GALNT18: variants seen among roughly 807,000 people sequenced by gnomAD.
GALNT18 encodes the protein GalNAc-transferase 18.
GALNT18 carries 44 observed loss-of-function variants against 69.5 expected under a neutral mutation model. The observed-to-expected ratio is 0.63, with a 90% CI of 0.50 to 0.81. The LOEUF is 0.81. GALNT18 is among the 40% of genes least tolerant of loss of function. GALNT18 has a pLI of 0.00. For synonymous variants in GALNT18, 364 were observed against 318.2 expected (o/e 1.14, Z -1.53); for missense variants, 715 against 810.0 (o/e 0.88, Z 1.42).
chr11:11,391,164 T>C (rs1413546502), intron 3 of GALNT18, among the ~76,000 whole-genome samples: 2 of 152,218 alleles, frequency 1.3e-5, no homozygotes, highest in African/African-American at 4.8e-5. Flanking sequence ...GTTGCTGCTC[T>C]TCAAGGGCCA....
In GALNT18 at chr11:11,300,592, G is replaced by A. The variant is rs139107692; in HGVS notation, c.1513-7399C>T. On this transcript the variant is annotated intron_variant, in intron 9 of 10. Transcript: ENST00000227756. ...TGTGACACTGTCTAGGGAGTTAAGA[G>A]TCACACATAATGGGGTGATTGCAAA... Among the ~76,000 whole-genome samples, 56 of 152,302 alleles carry A rather than the reference G, an allele frequency of 3.7e-4. No homozygotes were observed. The East Asian group carries it at 0.011, about 29-fold the overall frequency.
At chr11:11,575,906 G>A (rs61870377) in intron 1 of GALNT18, among the ~76,000 whole-genome samples, 1 of 152,108 alleles carries the variant, frequency 6.6e-6, no homozygotes, top group South Asian at 2.1e-4. Context: ...TTTAAATATT[G>A]AAAATAATAA....
rs1235991560 is a variant in GALNT18 at position 11,621,673 on chromosome 11, G to T, written c.-80C>A. ...CCGAACTCCCCCGCGCTCGCACCCCGTAGCACGTCCGGAGCCGCTGGGCAC... is the reference window on the plus strand; with the variant it reads ...CCGAACTCCCCCGCGCTCGCACCCCTTAGCACGTCCGGAGCCGCTGGGCAC... On this transcript the variant is annotated 5_prime_UTR_variant, in exon 1 of 11. Transcript: ENST00000227756. The surrounding 1 kb of genome is among the most constrained non-coding windows in gnomAD (Gnocchi z 9.3). 9.1e-7 allele frequency: 1 copy of T among 1,093,746 alleles called. No individual in the cohort carries two copies. The highest frequency in any genetic ancestry group is 1.3e-6 in the Non-Finnish European group (1 of 750,110). The allele number at this position is 1,093,746 out of a possible 1,614,324, so 67.8% of individuals were successfully genotyped here. A position where few individuals can be genotyped will look rare whatever the true frequency, so the allele number is the denominator to read the frequency against.
intron 1 of GALNT18, among the ~76,000 whole-genome samples, chr11:11,519,987 G>A (rs537230410): frequency 6.6e-6 from 1 of 152,330 alleles, no homozygotes; most frequent in East Asian, 1.9e-4. Flanking sequence ...AGACCCGGAA[G>A]AGGTCACCAA....
At position 11,480,838 on chromosome 11, in the gene GALNT18, CT is replaced by C. The variant is rs1447574435; in HGVS notation, c.236-31903del. Among the ~76,000 whole-genome samples the C allele has an allele frequency of 6.6e-6, 1 of 152,202 alleles. No homozygotes were observed. The highest frequency in any genetic ancestry group is 1.5e-5 in the Non-Finnish European group (1 of 68,038). On this transcript the variant is annotated intron_variant, in intron 1 of 10. Coordinates refer to ENST00000227756, the MANE Select transcript of GALNT18 (RefSeq NM_198516.3). The surrounding 1 kb of genome is among the most constrained non-coding windows in gnomAD (Gnocchi z 4.6). ...TGTGGTGAAATGGCTAAGGGAATTA[CT>C]GCTTAATCCTGGTTAGGGGAAAATG...
Position 11,605,318 on chromosome 11 carries a change from G to A in GALNT18, c.235+16041C>T, listed in dbSNP as rs768456737. Among the ~76,000 whole-genome samples the A allele has an allele frequency of 5.9e-5, 9 of 152,146 alleles. No homozygotes were observed. The highest frequency in any genetic ancestry group is 2.2e-4 in the African/African-American group (9 of 41,440). ...CCATCTCCTCAAGGGATTTCCACAG[G>A]CAAGCAAGAAACACCCTCTTCTGAT... On this transcript the variant is annotated intron_variant, in intron 1 of 10. Transcript: ENST00000227756. This position sits in a 1 kb window ranked among gnomAD's most constrained non-coding sequence, Gnocchi z 4.7.
At chr11:11,371,617 G>A (rs191400375) in intron 6 of GALNT18, among the ~76,000 whole-genome samples, 3 of 151,922 alleles carry the variant, frequency 2.0e-5, no homozygotes, top group Non-Finnish European at 4.4e-5. Context: ...GGTTCCCCAC[G>A]GAGAAGACAG....
chr11:11,604,749 T>A lies in GALNT18; in HGVS notation c.235+16610A>T, dbSNP rs1859707061. ...GAAGCTTTTCTGCCCCAGGGAAGAA[T>A]CAGCCTCAATGACAGTTTGGTATTA... is the stretch of plus-strand genomic sequence containing the variant. On this transcript the variant is annotated intron_variant, in intron 1 of 10. Transcript: ENST00000227756. This position sits in a 1 kb window ranked among gnomAD's most constrained non-coding sequence, Gnocchi z 5.6. Among the ~76,000 whole-genome samples, 1 of 152,166 alleles carries A rather than the reference T, an allele frequency of 6.6e-6. No individual in the cohort carries two copies. The highest frequency in any genetic ancestry group is 2.4e-5 in the African/African-American group (1 of 41,438).
At chr11:11,360,303 G>C (rs910561536) in intron 6 of GALNT18, among the ~76,000 whole-genome samples, 2 of 152,198 alleles carry the variant, frequency 1.3e-5, no homozygotes, top group African/African-American at 4.8e-5. Flanking sequence ...AGGTGGAGTG[G>C]TTGCTCCCTT....
At position 11,448,839 on chromosome 11, in the gene GALNT18, G is replaced by A. The variant is rs763799516; in HGVS notation, c.333C>T (p.Arg111=). 2.4e-5 allele frequency: 38 copies of A among 1,612,408 alleles called. No individual in the cohort carries two copies. The highest frequency in any genetic ancestry group is 1.3e-4 in the African/African-American group (10 of 74,946). Residue 111 remains arginine, a synonymous_variant, in exon 2 of 11, where the codon CGC becomes CGT. Coordinates refer to ENST00000227756, the MANE Select transcript of GALNT18 (RefSeq NM_198516.3). Reference sequence around the variant, plus strand: ...AGTACTGGAATTGCTTCAGGGCCACGCGCCGGCCTTCGGGGCTGAGCTCCT... The same window carrying A: ...AGTACTGGAATTGCTTCAGGGCCACACGCCGGCCTTCGGGGCTGAGCTCCT... ...WGQELSPEGR[R]VALKQFQYYG...
intron 1 of GALNT18, among the ~76,000 whole-genome samples, chr11:11,450,989 ACAT>A (rs1855781807): frequency 6.6e-6 from 1 of 152,198 alleles, no homozygotes; most frequent in Admixed American, 6.5e-5. Context: ...ACAAAGACAA[ACAT>A]GGCATACCAT....
intron 9 of GALNT18, among the ~76,000 whole-genome samples, chr11:11,307,846 G>T (rs946659205): frequency 2.0e-5 from 3 of 152,206 alleles, no homozygotes; most frequent in Non-Finnish European, 4.4e-5. Flanking sequence ...AGCCCTGATG[G>T]TCCTGGACGG....
Position 11,327,646 on chromosome 11 carries a change from G to C in GALNT18, c.1417-465C>G, listed in dbSNP as rs181798615. Among the ~76,000 whole-genome samples the C allele has an allele frequency of 3.0e-3, 453 of 152,328 alleles. 2 individuals are homozygous for C. Among genetic ancestry groups the C allele is most frequent in the South Asian group, 0.022 (104 of 4,824 alleles). On this transcript the variant is annotated intron_variant, in intron 8 of 10. Coordinates refer to ENST00000227756, the MANE Select transcript of GALNT18 (RefSeq NM_198516.3). ...CCAGCAGTGGCTTGGCCAGCCCCTT[G>C]GTGGCCCACTGCTTAGGGTCTTCCA...
intron 3 of GALNT18, among the ~76,000 whole-genome samples, chr11:11,410,640 C>G (rs941021918): frequency 2.0e-5 from 3 of 152,162 alleles, no homozygotes; most frequent in Non-Finnish European, 2.9e-5. Context: ...TTCAATGACA[C>G]ACCTGAAAGT....
At chr11:11,565,103 T>A (rs1462362428) in intron 1 of GALNT18, among the ~76,000 whole-genome samples, 2 of 152,232 alleles carry the variant, frequency 1.3e-5, no homozygotes, top group African/African-American at 2.4e-5. Context: ...GCTCCCAGTA[T>A]GTACACTGGT....
chr11:11,284,740 A>T (rs933659141), intron 10 of GALNT18, among the ~76,000 whole-genome samples: 1 of 152,054 alleles, frequency 6.6e-6, no homozygotes. Context: ...TGAGCTCAGG[A>T]GTTTCTAGGT....
intron 1 of GALNT18, chr11:11,476,087 C>A (rs1590036824): frequency 6.6e-6 from 1 of 152,290 alleles, no homozygotes; most frequent in East Asian, 1.9e-4. Flanking sequence ...CCCTTCTGGT[C>A]CCCTGAAGGC....
chr11:11,276,411 G>C (rs1427701101), intron 10 of GALNT18, among the ~76,000 whole-genome samples: 2 of 152,340 alleles, frequency 1.3e-5, no homozygotes, highest in Admixed American at 6.5e-5. Context: ...TTGCTTATCA[G>C]CTTAAGGAGA....
At position 11,271,373 on chromosome 11, in the gene GALNT18, G is replaced by A. The variant is rs1848823618; in HGVS notation, c.1678-83C>T. ...GGGAGCCTCAGGCCAAGTGGCTGGT[G>A]AGGGCTGACATTATCTGTGTGGCCA... On this transcript the variant is annotated intron_variant, in intron 10 of 10. Transcript: ENST00000227756. The A allele has an allele frequency of 2.1e-6, 3 of 1,421,850 alleles. No individual in the cohort carries two copies. The East Asian group carries it at 6.9e-5, about 33-fold the overall frequency. 88.1% of individuals were successfully genotyped at this position (1,421,850 alleles called of 1,614,324 possible). A position where few individuals can be genotyped will look rare whatever the true frequency, so the allele number is the denominator to read the frequency against.
Sources: gnomAD v4.1 joint callset for allele counts (sites outside exome capture counted in the v4.1 genomes callset) on GRCh38, gnomAD v4.1.1 for gene constraint, Gnocchi (gnomAD v3.1) non-coding constraint, MANE v1.5 for transcripts, NCBI Gene and HGNC (gene_info 2026-07-23, HGNC 2026-07-21) for gene names.